Variants in EXOC6B observed in about 807,000 individuals in gnomAD.
EXOC6B encodes exocyst complex component 6B, also known as SEC15 homolog B.
In EXOC6B, 54 loss-of-function variants were observed where a neutral mutation model predicts 113.5. The observed-to-expected ratio is 0.48, with a 90% CI of 0.38 to 0.60. The LOEUF (loss-of-function observed/expected upper bound fraction) is 0.60. EXOC6B is among the 20% of genes least tolerant of loss of function. The pLI, the probability that EXOC6B is intolerant of heterozygous loss-of-function variation, is 0.00. For missense variants in EXOC6B, 797 were observed against 977.5 expected, an observed-to-expected ratio of 0.82 and a Z score of 2.46; for synonymous variants, 357 against 339.0, an observed-to-expected ratio of 1.05 and a Z score of -0.58.
At chr2:72,639,187 T>C (rs752120508) in intron 6 of EXOC6B, among the ~76,000 whole-genome samples, 1 of 152,060 alleles carries the variant, frequency 6.6e-6, no homozygotes, top group Non-Finnish European at 1.5e-5. Flanking sequence ...AGTACAGTGT[T>C]CCCCCTGCCA....
intron 8 of EXOC6B, among the ~76,000 whole-genome samples, chr2:72,539,554 T>G (rs1329268236): frequency 6.6e-6 from 1 of 152,200 alleles, no homozygotes; most frequent in Admixed American, 6.5e-5. Context: ...TCTTGGTAAC[T>G]AAGTGCATTC....
intron 20 of EXOC6B, chr2:72,288,985 C>A (rs898913643): frequency 5.2e-5 from 13 of 252,022 alleles, no homozygotes; most frequent in Middle Eastern, 1.7e-3. Context: ...ACTCAAAGAT[C>A]TAGAAAAATG....
chr2:72,409,086 C>T (rs1369984750), intron 18 of EXOC6B, among the ~76,000 whole-genome samples: 1 of 152,146 alleles, frequency 6.6e-6, no homozygotes, highest in Non-Finnish European at 1.5e-5. Context: ...CAAAAGAAGA[C>T]ATTTATGCAG....
rs70963131 is a variant in EXOC6B at position 72,593,643 on chromosome 2, TAA to T, written c.670-17977_670-17976del. ...GATGAACAAAAACCAATAGGGATCTTAAAAAAAAAAAAAAAGAGGAAGGAGAT... is the reference window on the plus strand; with the variant it reads ...GATGAACAAAAACCAATAGGGATCTTAAAAAAAAAAAAAGAGGAAGGAGAT... On this transcript the variant is annotated intron_variant, in intron 6 of 21. Transcript: ENST00000272427. Among the ~76,000 whole-genome samples the T allele has an allele frequency of 5.7e-3, 782 of 137,112 alleles. 9 individuals are homozygous for T. Among genetic ancestry groups the T allele is most frequent in the African/African-American group, 0.02 (741 of 37,182 alleles). 90.0% of individuals were successfully genotyped at this position (137,112 alleles called of 152,430 possible). A position where few individuals can be genotyped will look rare whatever the true frequency, so the allele number is the denominator to read the frequency against.
chr2:72,381,855 G>T (rs1344834233), intron 18 of EXOC6B, among the ~76,000 whole-genome samples: 1 of 152,136 alleles, frequency 6.6e-6, no homozygotes, highest in African/African-American at 2.4e-5. Flanking sequence ...TGAAACAAAA[G>T]ATATTTTATG....
intron 6 of EXOC6B, among the ~76,000 whole-genome samples, chr2:72,701,350 A>C (rs1176587095): frequency 6.6e-6 from 1 of 151,996 alleles, no homozygotes; most frequent in Non-Finnish European, 1.5e-5. Flanking sequence ...TCAAAAAAAA[A>C]AAAAAAAAAG....
chr2:72,280,987 G>A (rs1372653003), intron 20 of EXOC6B, among the ~76,000 whole-genome samples: 1 of 151,936 alleles, frequency 6.6e-6, no homozygotes, highest in African/African-American at 2.4e-5. Flanking sequence ...GCAGAAAATG[G>A]CTAAAAAATA....
At chr2:72,261,288 A>T (rs544861270) in intron 20 of EXOC6B, among the ~76,000 whole-genome samples, 38 of 152,352 alleles carry the variant, frequency 2.5e-4, no homozygotes, top group African/African-American at 8.9e-4. Context: ...GGAACTCGTG[A>T]TCATATCAGA....
At chr2:72,558,981 GTGAGTGTACTACCAAAA>G (rs1015328108) in intron 8 of EXOC6B, among the ~76,000 whole-genome samples, 4 of 152,116 alleles carry the variant, frequency 2.6e-5, no homozygotes, top group Non-Finnish European at 4.4e-5. Flanking sequence ...GTGTCTGCAT[GTGAGTGTACTACCAAAA>G]TGGAGAAAGG....
At chr2:72,306,091 C>T (rs1286895789) in intron 20 of EXOC6B, among the ~76,000 whole-genome samples, 2 of 151,930 alleles carry the variant, frequency 1.3e-5, no homozygotes, top group Non-Finnish European at 2.9e-5. Flanking sequence ...ACTTCCTACC[C>T]GGACAGGCTG....
chr2:72,189,775 CTCCTT>C (rs745642090), intron 20 of EXOC6B, among the ~76,000 whole-genome samples: 39 of 136,212 alleles, frequency 2.9e-4, no homozygotes, highest in South Asian at 2.1e-3. Context: ...CCTTTCTTTT[CTCCTT>C]TCCTTTCCTT....
intron 8 of EXOC6B, among the ~76,000 whole-genome samples, chr2:72,558,776 A>T (rs80130905): frequency 6.7e-6 from 1 of 149,934 alleles, no homozygotes; most frequent in Admixed American, 6.7e-5. Context: ...TCTCAAAAAG[A>T]AAAAAAAAAG....
At chr2:72,202,543 G>C (rs751041179) in intron 20 of EXOC6B, among the ~76,000 whole-genome samples, 34 of 152,172 alleles carry the variant, frequency 2.2e-4, no homozygotes, top group Non-Finnish European at 4.0e-4. Context: ...TGTGGAAGCA[G>C]AGTTCCCTCT....
chr2:72,658,219 G>A (rs1365252738), intron 6 of EXOC6B, among the ~76,000 whole-genome samples: 1 of 107,890 alleles, frequency 9.3e-6, no homozygotes, highest in Non-Finnish European at 1.9e-5. Context: ...AGAAGAAACA[G>A]GAAAGGAAAG....
chr2:72,233,960 C>T (rs1475964489), intron 20 of EXOC6B, among the ~76,000 whole-genome samples: 2 of 152,138 alleles, frequency 1.3e-5, no homozygotes, highest in African/African-American at 2.4e-5. Context: ...CCAGGAAGCA[C>T]TCGGATGGTA....
rs1559013900 is a variant in EXOC6B, at chr2:72,801,935, T to C, written c.113+23863A>G. 2.0e-5 allele frequency among the ~76,000 whole-genome samples: 3 copies of C among 152,298 alleles called. 1 individual carries two copies. The East Asian group carries it at 5.8e-4, about 29-fold the overall frequency. ...CTTTCTGGAAGGCAGTTTGGCAATA[T>C]GCATCAAAATTTTAAATGCACATCT... On this transcript the variant is annotated intron_variant, in intron 1 of 21. Coordinates refer to ENST00000272427, the MANE Select transcript of EXOC6B (RefSeq NM_015189.3).
intron 20 of EXOC6B, among the ~76,000 whole-genome samples, chr2:72,186,327 A>G (rs1277783943): frequency 6.6e-6 from 1 of 152,196 alleles, no homozygotes; most frequent in East Asian, 1.9e-4. Flanking sequence ...ACACTGTAGC[A>G]TCAGCATTTC....
chr2:72,506,136 G>C (rs1288928059), intron 11 of EXOC6B, among the ~76,000 whole-genome samples: 3 of 151,932 alleles, frequency 2.0e-5, no homozygotes, highest in African/African-American at 7.3e-5. Context: ...TCAAGATCAT[G>C]TATGCATTAT....
intron 18 of EXOC6B, among the ~76,000 whole-genome samples, chr2:72,396,333 T>C (rs943417333): frequency 2.6e-5 from 4 of 152,138 alleles, no homozygotes; most frequent in African/African-American, 9.7e-5. Context: ...CCTGAAAGAC[T>C]GCCTTGTTAA....
Sources: allele counts gnomAD v4.1 joint callset (sites outside exome capture counted in the v4.1 genomes callset), GRCh38; gene constraint gnomAD v4.1.1; transcripts MANE v1.5; gene names NCBI Gene and HGNC (gene_info 2026-07-23, HGNC 2026-07-21).